Variants in DPY30 observed in about 807,000 individuals in gnomAD.
DPY30 encodes protein dpy-30 homolog.
A neutral mutation model predicts 16.2 loss-of-function variants in DPY30; 6 were observed. The observed-to-expected ratio is 0.37, with a 90% CI of 0.20 to 0.73. DPY30 has a LOEUF of 0.73. DPY30 is among the 30% of genes least tolerant of loss of function. The pLI, the probability that DPY30 is intolerant of heterozygous loss-of-function variation, is 0.51. For synonymous variants in DPY30, 39 were observed against 38.8 expected, an observed-to-expected ratio of 1.00 and a Z score of -0.02; for missense variants, 73 against 113.1, an observed-to-expected ratio of 0.65 and a Z score of 1.61.
At chr2:32,015,632 C>T (rs1480020011) in intron 5 of DPY30, among the ~76,000 whole-genome samples, 1 of 151,876 alleles carries the variant, frequency 6.6e-6, no homozygotes, top group Non-Finnish European at 1.5e-5. Flanking sequence ...AGGATCAGTT[C>T]AAGAGGTGAA....
At chr2:32,026,119 T>A (rs1313886191) in intron 4 of DPY30, among the ~76,000 whole-genome samples, 3 of 151,800 alleles carry the variant, frequency 2.0e-5, no homozygotes, top group South Asian at 2.1e-4. Flanking sequence ...AAAAAAAAAA[T>A]TTGTGTTTTA....
Position 32,014,732 on chromosome 2 carries a change from C to G in DPY30, n.378-2680G>C, listed in dbSNP as rs1449444119. Among the ~76,000 whole-genome samples the G allele has an allele frequency of 3.0e-4, 46 of 151,914 alleles. 2 individuals are homozygous for G. Among genetic ancestry groups the G allele is most frequent in the Non-Finnish European group, 1.5e-5 (1 of 67,938 alleles). ...TCTCCTGACCTCGTGATCTGCCCGC[C>G]TCGGCCTCCCAAAATGCTGAGATTA... On this transcript the variant is annotated intron_variant and non_coding_transcript_variant, in intron 5 of 5. Coordinates refer to the DPY30 transcript ENST00000414013.
intron 3 of DPY30, among the ~76,000 whole-genome samples, chr2:32,037,854 G>A (rs951989478): frequency 4.6e-5 from 7 of 151,954 alleles, no homozygotes; most frequent in African/African-American, 1.4e-4. Flanking sequence ...CGCCCAGCCT[G>A]TATGCTTTAT....
chr2:32,016,629 C>G (rs770412966), intron 5 of DPY30, among the ~76,000 whole-genome samples: 1 of 152,106 alleles, frequency 6.6e-6, no homozygotes, highest in Non-Finnish European at 1.5e-5. Context: ...CCAACCCACT[C>G]TCCTCCCTTT....
At chr2:32,027,720 C>T (rs1351183437) in intron 4 of DPY30, among the ~76,000 whole-genome samples, 1 of 150,908 alleles carries the variant, frequency 6.6e-6, no homozygotes, top group East Asian at 2.0e-4. Context: ...GCTCCGCCTC[C>T]CGGGTTCACG....
chr2:32,029,875 C>T (rs1409239571), intron 3 of DPY30, 139 bp from the exon 4 acceptor site: 62 of 850,416 alleles, frequency 7.3e-5, no homozygotes, highest in South Asian at 1.5e-4. Flanking sequence ...CCACAAACTT[C>T]TCTGCCCAAA....
At chr2:32,016,373 G>A (rs1675065941) in intron 5 of DPY30, among the ~76,000 whole-genome samples, 1 of 151,946 alleles carries the variant, frequency 6.6e-6, no homozygotes, top group Non-Finnish European at 1.5e-5. Flanking sequence ...TTCATCTTTT[G>A]TGCCTCATTT....
intron 4 of DPY30, among the ~76,000 whole-genome samples, chr2:32,025,333 C>A (rs541035625): frequency 3.9e-5 from 6 of 152,060 alleles, no homozygotes; most frequent in Non-Finnish European, 8.8e-5. Flanking sequence ...CATGGCAGTG[C>A]GCACCTGTAA....
intron 4 of DPY30, among the ~76,000 whole-genome samples, chr2:32,026,977 T>A (rs1275050291): frequency 2.2e-5 from 3 of 138,116 alleles, no homozygotes; most frequent in Middle Eastern, 4.3e-3. Flanking sequence ...GCGAAAAGAG[T>A]AGAATAGGGG....
intron 3 of DPY30, among the ~76,000 whole-genome samples, chr2:32,034,212 A>G (rs2148667432): frequency 6.6e-6 from 1 of 152,346 alleles, no homozygotes; most frequent in South Asian, 2.1e-4. Flanking sequence ...CCAGGGAAAC[A>G]ACCATCTTGT....
At chr2:32,012,425 T>C (rs1472151520) in intron 5 of DPY30, among the ~76,000 whole-genome samples, 3 of 119,474 alleles carry the variant, frequency 2.5e-5, no homozygotes, top group Admixed American at 8.1e-5. Context: ...TTTTCTTTTT[T>C]TTTTTTTTTT....
At chr2:32,020,968 TA>T (rs373768556), downstream of DPY30, 14,784 of 139,022 alleles carry the variant, frequency 0.11, 771 homozygotes, top group Middle Eastern at 0.15. Flanking sequence ...CCTCACCTCT[TA>T]AAAAAAAAAA....
At chr2:32,029,484 C>T in intron 4 of DPY30, 110 bp downstream of exon 4, 1 of 1,301,720 alleles carries the variant, frequency 7.7e-7, no homozygotes, top group Non-Finnish European at 1.1e-6. Flanking sequence ...AAAACTTTAA[C>T]ATCCATAAAT....
chr2:32,032,776 C>A (rs1263834351), intron 3 of DPY30, among the ~76,000 whole-genome samples: 2 of 151,728 alleles, frequency 1.3e-5, no homozygotes, highest in Non-Finnish European at 2.9e-5. Context: ...GGCAGCTGGA[C>A]CACGAGTTCA....
chr2:32,027,384 G>A lies in DPY30; in HGVS notation c.227+2210C>T, dbSNP rs1312162723. On this transcript the variant is annotated intron_variant, in intron 4 of 4. Coordinates refer to ENST00000342166, the MANE Select transcript of DPY30 (RefSeq NM_001321209.2). ...ATCTCTACTAAAAATACAAAAATTA[G>A]CTTTGTGTGCTGACAGGCACCTGTA... Among the ~76,000 whole-genome samples, 3 of 151,404 alleles carry A rather than the reference G, an allele frequency of 2.0e-5. No individual in the cohort carries two copies. The East Asian group carries it at 5.9e-4, about 30-fold the overall frequency.
chr2:32,030,929 A>C (rs945773606), intron 3 of DPY30, among the ~76,000 whole-genome samples: 1 of 152,214 alleles, frequency 6.6e-6, no homozygotes, highest in South Asian at 2.1e-4. Flanking sequence ...AAATGAATGA[A>C]GTTTTCCCCA....
chr2:32,014,774 C>T (rs1011632003), intron 5 of DPY30, among the ~76,000 whole-genome samples: 5 of 151,502 alleles, frequency 3.3e-5, no homozygotes, highest in Non-Finnish European at 5.9e-5. Flanking sequence ...TGAGCCACCA[C>T]GCCTGGCCGA....
intron 3 of DPY30, among the ~76,000 whole-genome samples, chr2:32,030,064 CAAA>C (rs398042393): frequency 1.9e-5 from 2 of 102,680 alleles, no homozygotes; most frequent in Non-Finnish European, 4.2e-5. Flanking sequence ...AGTGTGTTCC[CAAA>C]AAAAAAAAAA....
rs137962141 is a variant in DPY30, at chr2:32,038,045, A to G, written c.84+1234T>C. ...AGAGAAGTTCAGTAACTTGTTCAAG[A>G]TCACCAGAAAGTATGTTGGGAGCTG... On this transcript the variant is annotated intron_variant, in intron 3 of 4. Coordinates refer to ENST00000342166, the MANE Select transcript of DPY30 (RefSeq NM_001321209.2). Among the ~76,000 whole-genome samples, 550 of 151,980 alleles carry G rather than the reference A, an allele frequency of 3.6e-3. 3 individuals carry two copies. The highest frequency in any genetic ancestry group is 0.02 in the Middle Eastern group (6 of 294).
Sources: gnomAD v4.1 joint callset for allele counts (sites outside exome capture counted in the v4.1 genomes callset) on GRCh38, gnomAD v4.1.1 for gene constraint, MANE v1.5 for transcripts, NCBI Gene and HGNC (gene_info 2026-07-23, HGNC 2026-07-21) for gene names.